ANO7: variants seen among roughly 807,000 people sequenced by gnomAD.
The protein encoded by ANO7 is anoctamin 7.
In ANO7, 114 loss-of-function variants were observed where a neutral mutation model predicts 115.8. The ratio of observed to expected loss-of-function variants is 0.98; its 90% confidence interval spans 0.85 to 1.15. ANO7 has a LOEUF of 1.15. Ranked by LOEUF, ANO7 falls within the 50% of genes most tolerant of loss-of-function variation. The pLI, the probability that ANO7 is intolerant of heterozygous loss-of-function variation, is 0.00. For synonymous variants in ANO7, 550 were observed against 498.2 expected (o/e 1.10, Z -1.38); for missense variants, 1,302 against 1,201.2 (o/e 1.08, Z -1.24).
intron 4 of ANO7, chr2:241,196,162 G>A: frequency 1.5e-6 from 2 of 1,292,516 alleles, no homozygotes; most frequent in Non-Finnish European, 9.8e-7. Context: ...CTTTTGGGTA[G>A]GCGTGTCATT....
rs200669883 is a variant in ANO7, at chr2:241,217,878, C to A, written c.2165C>A (p.Ala722Glu). ...FHILAGLTHLAVISNAFLLAF... is the reference protein window; with the variant it reads ...FHILAGLTHLEVISNAFLLAF... ...ATCCTGGCGGGCCTCACGCACCTGGCGGTCATCAGCAACGTGAGGCCCGGG... is the reference window on the plus strand; with the variant it reads ...ATCCTGGCGGGCCTCACGCACCTGGAGGTCATCAGCAACGTGAGGCCCGGG... Residue 722 changes from alanine to glutamate, a missense_variant, in exon 20 of 25, where the codon GCG becomes GAG. By Grantham distance (107) the Ala-to-Glu change is moderately radical. Coordinates refer to ENST00000674324, the MANE Select transcript of ANO7 (RefSeq NM_001370694.2). 1 of 1,567,072 alleles carries A rather than the reference C, an allele frequency of 6.4e-7. No individual in the cohort carries two copies. Among genetic ancestry groups the A allele is most frequent in the South Asian group, 1.1e-5 (1 of 88,648 alleles).
At chr2:241,207,792 C>T in intron 11 of ANO7, 122 bp downstream of exon 11, 1 of 859,302 alleles carries the variant, frequency 1.2e-6, no homozygotes, top group Admixed American at 2.0e-5. Context: ...CAGCTAAAGG[C>T]AGAACGCTCC....
chr2:241,232,786 C>G, the ANO7 span, among the ~76,000 whole-genome samples: 1 of 152,054 alleles, frequency 6.6e-6, no homozygotes, highest in Non-Finnish European at 1.5e-5. Flanking sequence ...TGCACTCCAC[C>G]TGGGGCAACA....
chr2:241,228,037 C>T (rs1451378393), downstream of ANO7: 4 of 152,248 alleles, frequency 2.6e-5, no homozygotes, highest in African/African-American at 9.6e-5. Flanking sequence ...TGCAACTAGA[C>T]TTGGGCTAAG....
rs368389233 is a variant in ANO7 at position 241,202,222 on chromosome 2, A to T, written c.641A>T (p.Tyr214Phe). The change falls in exon 8 of 25, where the codon TAT becomes TTT. Residue 214 changes from tyrosine to phenylalanine, a missense_variant. Transcript: ENST00000674324. Reference protein sequence around the residue: ...ILFEILAKTPYGHEKKNLLGI... With the variant: ...ILFEILAKTPFGHEKKNLLGI... ...TTTGAGATCCTGGCCAAGACCCCGT[A>T]TGGCCACGAGAAGAAAAACCTGCTT... 7.3e-5 allele frequency: 118 copies of T among 1,613,768 alleles called. 2 individuals are homozygous for T. The South Asian group carries it at 1.2e-3, about 17-fold the overall frequency.
intron 21 of ANO7, among the ~76,000 whole-genome samples, 170 bp downstream of exon 21, chr2:241,218,551 T>C (rs1036148452): frequency 6.6e-6 from 1 of 150,896 alleles, no homozygotes; most frequent in Non-Finnish European, 1.5e-5. Flanking sequence ...TGGGGGGAGG[T>C]TCCCCGCGGT....
the ANO7 span, chr2:241,235,546 G>A: frequency 1.2e-6 from 2 of 1,614,096 alleles, no homozygotes; most frequent in South Asian, 1.1e-5. Context: ...ATAACGTAAC[G>A]GTGAAGGTCA....
Position 241,209,598 on chromosome 2 carries a change from G to C in ANO7, c.1322G>C (p.Arg441Pro). 1 of 1,595,274 alleles carries C rather than the reference G, an allele frequency of 6.3e-7. No homozygotes were observed. Among genetic ancestry groups the C allele is most frequent in the South Asian group, 1.1e-5 (1 of 88,926 alleles). Residue 441 changes from arginine to proline, a missense_variant, in exon 13 of 25, where the codon CGC becomes CCC. Transcript: ENST00000674324. ...TACTTCCCTGAGAGGAGCCGCGCGC[G>C]CCGCATGCTGGCCGGCTCTGTGGTG... Reference protein sequence around the residue: ...EPYFPERSRARRMLAGSVVIV... With the variant: ...EPYFPERSRAPRMLAGSVVIV...
intron 6 of ANO7, 134 bp downstream of exon 6, chr2:241,200,359 C>A: frequency 1.6e-6 from 2 of 1,233,930 alleles, no homozygotes; most frequent in Middle Eastern, 1.9e-4. Context: ...AGGCCAGGTG[C>A]GCACGCTTAT....
At chr2:241,209,752 C>A in intron 13 of ANO7, 117 bp downstream of exon 13, 1 of 1,386,114 alleles carries the variant, frequency 7.2e-7, no homozygotes, top group Admixed American at 2.8e-5. Context: ...GCACAGAACC[C>A]TCACTCCCCG....
downstream of ANO7, chr2:241,227,658 G>GAATT (rs942637238): frequency 2.0e-4 from 30 of 152,774 alleles, no homozygotes; most frequent in African/African-American, 7.2e-4. Context: ...AACTTGGTGA[G>GAATT]AATTAAAATT....
At chr2:241,223,485 G>A in intron 22 of ANO7, 177 bp from the exon 23 acceptor site, 1 of 1,101,588 alleles carries the variant, frequency 9.1e-7, no homozygotes. Context: ...CTCCACAGGA[G>A]CCCCAGGGCC....
At chr2:241,236,585 G>A in the ANO7 span, 2 of 1,611,262 alleles carry the variant, frequency 1.2e-6, no homozygotes, top group East Asian at 2.2e-5. Flanking sequence ...GGCCTTGGCG[G>A]GGGGTGGAGG....
At chr2:241,199,447 G>T in intron 5 of ANO7, 24 bp downstream of exon 5, 2 of 1,611,560 alleles carry the variant, frequency 1.2e-6, no homozygotes, top group Admixed American at 1.7e-5. Context: ...ATGGGGACAG[G>T]GTGGGCCTGG....
chr2:241,194,500 A>G (rs2068276755), intron 3 of ANO7, among the ~76,000 whole-genome samples: 1 of 151,606 alleles, frequency 6.6e-6, no homozygotes, highest in South Asian at 2.1e-4. Context: ...TTGTATTTTT[A>G]GTAGATATGG....
Position 241,213,727 on chromosome 2 carries a change from T to C in ANO7, c.1729-1078T>C, listed in dbSNP as rs1324818339. Among the ~76,000 whole-genome samples, 3 of 152,192 alleles carry C rather than the reference T, an allele frequency of 2.0e-5. No individual in the cohort carries two copies. The East Asian group carries it at 5.8e-4, about 29-fold the overall frequency. The stretch of plus-strand genomic sequence containing the variant: ...CTGGGCTGGGACCTAAGTGGACCCC[T>C]GCTGAGTGACCCCTGGCCTGAAAGA... On this transcript the variant is annotated intron_variant, in intron 17 of 24. Coordinates refer to ENST00000674324, the MANE Select transcript of ANO7 (RefSeq NM_001370694.2).
intron 4 of ANO7, among the ~76,000 whole-genome samples, chr2:241,198,485 G>A (rs925005347): frequency 6.6e-6 from 1 of 152,244 alleles, no homozygotes; most frequent in Non-Finnish European, 1.5e-5. Flanking sequence ...GAGGGCAGGG[G>A]GGACTACTGC....
rs752417870 is a variant in ANO7, at chr2:241,223,236, ATCT to A, written c.2377_2379del (p.Leu793del). On this transcript the variant is annotated inframe_deletion, in exon 22 of 25. Coordinates refer to ENST00000674324, the MANE Select transcript of ANO7 (RefSeq NM_001370694.2). ...GGACATTATTCCCAGACCTACTGGA[ATCT>A]TCTTGCCATCCGCCTGGCCTTCGTC... 7.0e-5 allele frequency: 113 copies of A among 1,614,100 alleles called. No individual in the cohort carries two copies. The highest frequency in any genetic ancestry group is 1.6e-4 in the Middle Eastern group (1 of 6,084).
intron 17 of ANO7, among the ~76,000 whole-genome samples, chr2:241,213,395 C>G (rs1234121098): frequency 6.6e-6 from 1 of 152,244 alleles, no homozygotes; most frequent in African/African-American, 2.4e-5. Context: ...TCTCTGAGAG[C>G]CAGGCGTGAA....
Sources: allele counts gnomAD v4.1 joint callset (sites outside exome capture counted in the v4.1 genomes callset), GRCh38; gene constraint gnomAD v4.1.1; transcripts MANE v1.5; gene names NCBI Gene and HGNC (gene_info 2026-07-23, HGNC 2026-07-21).